Variants in UBR3 observed in about 807,000 individuals in gnomAD.
UBR3 encodes the protein E3 ubiquitin-protein ligase UBR3.
A neutral mutation model predicts 243.2 loss-of-function variants in UBR3; 85 were observed. The ratio of observed to expected loss-of-function variants is 0.35; its 90% CI spans 0.29 to 0.42. The LOEUF is 0.42. Among genes scored for constraint, UBR3 ranks in the 10% least tolerant of loss-of-function variants. The pLI is 1.00. For missense variants in UBR3, 1,686 were observed against 2,300.8 expected, an observed-to-expected ratio of 0.73 and a Z score of 5.47; for synonymous variants, 748 against 799.8, an observed-to-expected ratio of 0.94 and a Z score of 1.09.
intron 1 of UBR3, among the ~76,000 whole-genome samples, chr2:169,868,458 A>G (rs2083329621): frequency 6.6e-6 from 1 of 152,134 alleles, no homozygotes. Flanking sequence ...ATTCTTGTGC[A>G]CACCACCACG....
chr2:169,835,993 GTCTCTCTCTCTCTCTCTCTCTCTC>G (rs577838877), intron 1 of UBR3, among the ~76,000 whole-genome samples: 51 of 30,722 alleles, frequency 1.7e-3, no homozygotes, highest in Non-Finnish European at 2.3e-3. Context: ...TGTGTGCACT[GTCTCTCTCTCTCTCTCTCTCTCTC>G]TCTCTCTCTC....
At chr2:170,024,386 A>T (rs1229729507) in intron 30 of UBR3, among the ~76,000 whole-genome samples, 3 of 151,638 alleles carry the variant, frequency 2.0e-5, no homozygotes, top group Non-Finnish European at 4.4e-5. Context: ...GAGAAAAGAA[A>T]TAACTGACAG....
In UBR3 at chr2:169,896,727, A is replaced by G; in HGVS notation, c.1457A>G (p.Glu486Gly). The G allele has an allele frequency of 6.5e-7, 1 of 1,548,210 alleles. No homozygotes were observed. Among genetic ancestry groups the G allele is most frequent in the Non-Finnish European group, 8.7e-7 (1 of 1,145,104 alleles). ...YMMESCLIKSELQDEENSLHV... is the reference protein window; with the variant it reads ...YMMESCLIKSGLQDEENSLHV... ...ATGGAAAGTTGCCTTATTAAAAGTG[A>G]GCTACAAGGTAACTCAGAATTATAT... Residue 486 changes from glutamate (E) to glycine (G), a missense_variant, in exon 8 of 39, where the codon GAG (glutamate) becomes GGG (glycine). Glu to Gly is a moderately conservative substitution (Grantham distance 98). Around this residue, in one of 8 missense-constraint regions of UBR3, gnomAD observed 346 missense variants for 585.8 expected, o/e 0.59. Transcript: ENST00000272793.
intron 1 of UBR3, among the ~76,000 whole-genome samples, chr2:169,868,216 T>A (rs2105307282): frequency 1.3e-5 from 2 of 152,342 alleles, no homozygotes; most frequent in African/African-American, 4.8e-5. Context: ...TCAGAGCTGC[T>A]CTTGGTAAAC....
intron 10 of UBR3, 77 bp downstream of exon 10, chr2:169,906,241 A>T: frequency 6.9e-7 from 1 of 1,445,754 alleles, no homozygotes. Flanking sequence ...TCATTTGTAT[A>T]TAATGTGCAG....
intron 1 of UBR3, among the ~76,000 whole-genome samples, chr2:169,864,923 AAAAAAAG>A (rs2083205645): frequency 1.4e-5 from 2 of 146,580 alleles, no homozygotes; most frequent in Admixed American, 6.7e-5. Flanking sequence ...AAAAAAAAAA[AAAAAAAG>A]AAAGAATTAG....
rs1245517328 is a variant in UBR3 at position 170,029,367 on chromosome 2, C to A, written c.4475C>A (p.Ala1492Asp). 6.2e-7 allele frequency: 1 copy of A among 1,610,168 alleles called. No individual in the cohort carries two copies. ...SCLNQLFHVL[A>D]LHMRLYSIDS... ...TCAGATCAGCTGTTTCATGTATTAG[C>A]CTTGCACATGCGGCTTTATAGCATT... The change falls in exon 31 of 39, where the codon GCC becomes GAC. Residue 1492 changes from alanine (A) to aspartate (D), a missense_variant. This residue lies in a region of UBR3 where 371 missense variants were observed against 422.5 expected (regional missense o/e 0.88). Coordinates refer to ENST00000272793, the MANE Select transcript of UBR3 (RefSeq NM_172070.4).
chr2:169,935,236 G>C (rs1224184107), intron 19 of UBR3, among the ~76,000 whole-genome samples: 2 of 152,098 alleles, frequency 1.3e-5, no homozygotes, highest in Non-Finnish European at 2.9e-5. Flanking sequence ...CGTGATCATA[G>C]CCCACTGCAG....
intron 24 of UBR3, among the ~76,000 whole-genome samples, chr2:169,975,644 T>G (rs1034795863): frequency 1.3e-5 from 2 of 152,108 alleles, no homozygotes; most frequent in Non-Finnish European, 2.9e-5. Flanking sequence ...TGCATATGTA[T>G]TTAGAATTGT....
intron 9 of UBR3, 98 bp downstream of exon 9, chr2:169,905,391 T>C: frequency 1.2e-6 from 1 of 868,100 alleles, no homozygotes; most frequent in Non-Finnish European, 1.6e-6. Context: ...TCATTCACGC[T>C]ACACATGAAA....
At chr2:170,034,993 C>T (rs11677723) in intron 31 of UBR3, among the ~76,000 whole-genome samples, 140,437 of 151,908 alleles carry the variant, frequency 0.92, 65,469 homozygotes, top group East Asian at 0.99. Flanking sequence ...CTGTTAATGC[C>T]GTGGTACCAT....
Position 169,836,064 on chromosome 2 carries a change from TA to T in UBR3, c.545+8013del, listed in dbSNP as rs1346843002. On this transcript the variant is annotated intron_variant, in intron 1 of 38. Coordinates refer to ENST00000272793, the MANE Select transcript of UBR3 (RefSeq NM_172070.4). ...CTCTCTATATATATATATATATATATATATTTTTTTTTTTTTTTTTTTTTTT... is the reference window on the plus strand; with the variant it reads ...CTCTCTATATATATATATATATATATTATTTTTTTTTTTTTTTTTTTTTTT... 4.4e-3 allele frequency among the ~76,000 whole-genome samples: 245 copies of T among 55,798 alleles called. 46 individuals carry two copies. Among genetic ancestry groups the T allele is most frequent in the Middle Eastern group, 7.6e-3 (1 of 132 alleles). 36.6% of individuals were successfully genotyped at this position (55,798 alleles called of 152,430 possible).
intron 24 of UBR3, among the ~76,000 whole-genome samples, chr2:169,961,631 A>G (rs960238874): frequency 6.6e-6 from 1 of 152,178 alleles, no homozygotes; most frequent in Non-Finnish European, 1.5e-5. Flanking sequence ...TTTACAACTG[A>G]AGGCATTGCC....
At chr2:169,834,541 C>G (rs1475413224) in intron 1 of UBR3, among the ~76,000 whole-genome samples, 1 of 152,132 alleles carries the variant, frequency 6.6e-6, no homozygotes. Flanking sequence ...AATTTGTTTC[C>G]CCATATTCTG....
At chr2:170,008,734 A>G (rs1231231454) in intron 28 of UBR3, 70 bp from the exon 29 acceptor site, 2 of 768,054 alleles carry the variant, frequency 2.6e-6, no homozygotes, top group African/African-American at 1.8e-5. Flanking sequence ...TATAATAAAC[A>G]TTCTAGTTTC....
chr2:169,939,855 A>G (rs1390396221), intron 19 of UBR3, among the ~76,000 whole-genome samples: 3 of 151,794 alleles, frequency 2.0e-5, no homozygotes, highest in African/African-American at 7.3e-5. Flanking sequence ...GTGAGCCACT[A>G]TGCCAGGCCA....
intron 1 of UBR3, among the ~76,000 whole-genome samples, chr2:169,865,823 CTG>C (rs937020676): frequency 6.6e-6 from 1 of 152,158 alleles, no homozygotes; most frequent in African/African-American, 2.4e-5. Flanking sequence ...GCTCTCTAAT[CTG>C]TCACACAGGC....
chr2:169,828,062 GC>G lies in UBR3; in HGVS notation c.545+13del. On this transcript the variant is annotated intron_variant, in intron 1 of 38. Transcript: ENST00000272793. Reference sequence around the variant, plus strand: ...TGATGCGGGAGAGCGGGTGAGTGGAGCCCTCCCCGCGGGCGAGGCGACCCTG... The same window carrying G: ...TGATGCGGGAGAGCGGGTGAGTGGAGCCTCCCCGCGGGCGAGGCGACCCTG... 7.3e-7 allele frequency: 1 copy of G among 1,363,728 alleles called. No individual in the cohort carries two copies. The highest frequency in any genetic ancestry group is 9.5e-7 in the Non-Finnish European group (1 of 1,055,752). The allele number at this position is 1,363,728 out of a possible 1,614,324, so 84.5% of individuals were successfully genotyped here. A position where few individuals can be genotyped will look rare whatever the true frequency, so the allele number is the denominator to read the frequency against.
chr2:169,940,579 T>G (rs1357536449), intron 19 of UBR3, among the ~76,000 whole-genome samples: 1 of 152,250 alleles, frequency 6.6e-6, no homozygotes, highest in Non-Finnish European at 1.5e-5. Context: ...CACTACTTGT[T>G]GCATGTTGCC....
Sources: allele counts gnomAD v4.1 joint callset (sites outside exome capture counted in the v4.1 genomes callset), GRCh38; gene constraint gnomAD v4.1.1; regional missense constraint gnomAD v4.1.1; transcripts MANE v1.5; gene names NCBI Gene and HGNC (gene_info 2026-07-23, HGNC 2026-07-21).